ADAMTSL1: variants seen among roughly 807,000 people sequenced by gnomAD.
ADAMTSL1 encodes ADAMTS like 1.
In ADAMTSL1, 126 loss-of-function variants were observed where a neutral mutation model predicts 201.8. That is an observed-to-expected ratio of 0.62 (90% CI 0.54 to 0.72). The LOEUF is 0.72. Ranked by LOEUF, ADAMTSL1 falls within the 30% of genes least tolerant of loss-of-function variation. ADAMTSL1 has a pLI of 0.00. For missense variants in ADAMTSL1, 2,679 were observed against 2,277.8 expected (o/e 1.18, Z -3.59); for synonymous variants, 1,121 against 903.4 (o/e 1.24, Z -4.32).
chr9:18,434,744 A>G (rs372792866), intron 2 of ADAMTSL1, among the ~76,000 whole-genome samples: 5 of 152,288 alleles, frequency 3.3e-5, no homozygotes, highest in East Asian at 1.9e-4. Flanking sequence ...AGTCTTTTAC[A>G]TGACTTGCCT....
chr9:18,517,595 C>T (rs935849914), intron 2 of ADAMTSL1, among the ~76,000 whole-genome samples: 1 of 146,232 alleles, frequency 6.8e-6, no homozygotes. Flanking sequence ...CAGTCCCCAG[C>T]GTGTGATATT....
At chr9:18,241,146 C>G (rs972339764) in intron 2 of ADAMTSL1, among the ~76,000 whole-genome samples, 25 of 152,124 alleles carry the variant, frequency 1.6e-4, no homozygotes, top group Non-Finnish European at 3.4e-4. Context: ...CTACTGAGTA[C>G]AAGAAGCCTA....
At chr9:18,139,919 G>T (rs1826325496) in intron 1 of ADAMTSL1, among the ~76,000 whole-genome samples, 1 of 152,012 alleles carries the variant, frequency 6.6e-6, no homozygotes, top group African/African-American at 2.4e-5. Context: ...TGTCTCCAGA[G>T]ACTGATGAAA....
intron 1 of ADAMTSL1, among the ~76,000 whole-genome samples, chr9:18,070,876 T>C (rs1475612287): frequency 2.6e-5 from 4 of 152,170 alleles, no homozygotes; most frequent in Admixed American, 2.6e-4. Context: ...GCACAGCTAG[T>C]GGCATCAAAT....
rs199741171 is a variant in ADAMTSL1 at position 18,523,195 on chromosome 9, T to C, written c.192-10052T>C. Among the ~76,000 whole-genome samples, 126 of 152,364 alleles carry C rather than the reference T, an allele frequency of 8.3e-4. No homozygotes were observed. In the East Asian group the frequency reaches 0.023, roughly 28 times the overall value. On this transcript the variant is annotated intron_variant, in intron 2 of 28. Coordinates refer to ENST00000380548, the MANE Select transcript of ADAMTSL1 (RefSeq NM_001040272.6). ...TTTGCATTTCTCTGATGGCCAGTGA[T>C]GATGAGCATTTTTTCATGTGTCTGT...
At chr9:18,243,533 C>T (rs546729450) in intron 2 of ADAMTSL1, among the ~76,000 whole-genome samples, 5 of 151,952 alleles carry the variant, frequency 3.3e-5, no homozygotes, top group Admixed American at 1.3e-4. Flanking sequence ...CTCCCTCAGC[C>T]TCTCTGGTAC....
At chr9:18,176,556 C>T (rs576510097) in intron 2 of ADAMTSL1, among the ~76,000 whole-genome samples, 5 of 152,170 alleles carry the variant, frequency 3.3e-5, no homozygotes, top group African/African-American at 1.2e-4. Context: ...ATTTCCCTCT[C>T]GTAATGGAAG....
chr9:18,598,299 G>T (rs1824401115), intron 4 of ADAMTSL1, among the ~76,000 whole-genome samples: 1 of 152,126 alleles, frequency 6.6e-6, no homozygotes, highest in African/African-American at 2.4e-5. Context: ...CTTACCCGAA[G>T]TCTCTCAACT....
intron 13 of ADAMTSL1, among the ~76,000 whole-genome samples, chr9:18,685,667 G>T (rs1443216009): frequency 6.6e-6 from 1 of 152,138 alleles, no homozygotes; most frequent in East Asian, 1.9e-4. Flanking sequence ...GATATAAAAT[G>T]ATTTCCAAAT....
At chr9:18,867,569 T>A (rs1458479271) in intron 23 of ADAMTSL1, among the ~76,000 whole-genome samples, 1 of 152,226 alleles carries the variant, frequency 6.6e-6, no homozygotes, top group Non-Finnish European at 1.5e-5. Context: ...TACTTTCACC[T>A]ATGCCCCACT....
At chr9:17,996,768 C>T (rs938703760) in intron 1 of ADAMTSL1, among the ~76,000 whole-genome samples, 2 of 152,050 alleles carry the variant, frequency 1.3e-5, no homozygotes, top group African/African-American at 4.8e-5. Context: ...CCCTGTACTC[C>T]CTTCTCACCA....
intron 1 of ADAMTSL1, among the ~76,000 whole-genome samples, chr9:18,110,227 G>A (rs1267199795): frequency 6.6e-6 from 1 of 152,182 alleles, no homozygotes; most frequent in Non-Finnish European, 1.5e-5. Flanking sequence ...AAATGGATCT[G>A]AGGGCCGTTG....
At chr9:18,784,233 A>G (rs1485929492) in intron 19 of ADAMTSL1, among the ~76,000 whole-genome samples, 4 of 152,194 alleles carry the variant, frequency 2.6e-5, no homozygotes, top group Non-Finnish European at 4.4e-5. Context: ...TACCCTATGC[A>G]TAATACTCTC....
intron 1 of ADAMTSL1, among the ~76,000 whole-genome samples, chr9:17,962,829 G>A (rs1205414267): frequency 6.6e-6 from 1 of 152,378 alleles, no homozygotes; most frequent in South Asian, 2.1e-4. Flanking sequence ...ACAGCGTGCA[G>A]TTATTTCATG....
At chr9:18,212,935 A>G (rs1238637973) in intron 2 of ADAMTSL1, among the ~76,000 whole-genome samples, 1 of 152,234 alleles carries the variant, frequency 6.6e-6, no homozygotes, top group Admixed American at 6.5e-5. Flanking sequence ...CCTTTTGAAT[A>G]GAATTTGCAG....
At chr9:18,749,833 T>C (rs1000759747) in intron 15 of ADAMTSL1, among the ~76,000 whole-genome samples, 4 of 152,262 alleles carry the variant, frequency 2.6e-5, no homozygotes, top group African/African-American at 9.6e-5. Context: ...GAGAATGCAG[T>C]GCACTTTTAT....
chr9:18,020,668 AT>A (rs1820443794), intron 1 of ADAMTSL1, among the ~76,000 whole-genome samples: 1 of 152,052 alleles, frequency 6.6e-6, no homozygotes, highest in African/African-American at 2.4e-5. Flanking sequence ...ACGCCTGGGG[AT>A]TACAATTCAA....
intron 2 of ADAMTSL1, among the ~76,000 whole-genome samples, chr9:18,414,770 A>G (rs543406923): frequency 6.6e-6 from 1 of 152,342 alleles, no homozygotes; most frequent in East Asian, 1.9e-4. Context: ...AAACCTGCAG[A>G]GAATCACCTT....
chr9:18,774,022 A>G (rs914760663), intron 17 of ADAMTSL1, among the ~76,000 whole-genome samples: 1 of 152,206 alleles, frequency 6.6e-6, no homozygotes, highest in Non-Finnish European at 1.5e-5. Flanking sequence ...GAATAGTGTC[A>G]CTTCAATATG....
Sources: allele counts gnomAD v4.1 joint callset (sites outside exome capture counted in the v4.1 genomes callset), GRCh38; gene constraint gnomAD v4.1.1; transcripts MANE v1.5; gene names NCBI Gene and HGNC (gene_info 2026-07-23, HGNC 2026-07-21).